Variants in NTRK3 observed in about 807,000 individuals in gnomAD.
NTRK3 encodes NT-3 growth factor receptor.
In NTRK3, 24 loss-of-function variants were observed where a neutral mutation model predicts 91.7. That is an observed-to-expected ratio of 0.26 (90% CI 0.19 to 0.37). The LOEUF (loss-of-function observed/expected upper bound fraction) is 0.37. NTRK3 is among the 10% of genes least tolerant of loss of function. The pLI is 1.00. For synonymous variants in NTRK3, 483 were observed against 404.0 expected, an observed-to-expected ratio of 1.20 and a Z score of -2.34; for missense variants, 880 against 1,068.9, an observed-to-expected ratio of 0.82 and a Z score of 2.46.
intron 3 of NTRK3, among the ~76,000 whole-genome samples, chr15:88,228,334 C>T (rs139809291): frequency 2.0e-3 from 302 of 152,276 alleles, no homozygotes; most frequent in East Asian, 8.7e-3. Context: ...CCACACCTCC[C>T]GCTGGATCTC....
At chr15:88,245,839 C>T (rs2052768838) in intron 3 of NTRK3, among the ~76,000 whole-genome samples, 1 of 152,184 alleles carries the variant, frequency 6.6e-6, no homozygotes, top group Non-Finnish European at 1.5e-5. Context: ...GAGTCATGAT[C>T]TAAAGCTTCA....
intron 13 of NTRK3, among the ~76,000 whole-genome samples, chr15:88,108,505 C>G (rs1567424469): frequency 6.6e-6 from 1 of 152,212 alleles, no homozygotes; most frequent in Admixed American, 6.5e-5. Context: ...ACTCCATGCT[C>G]CCTGTGATCT....
intron 13 of NTRK3, among the ~76,000 whole-genome samples, chr15:88,062,531 T>A (rs1002309759): frequency 2.0e-5 from 3 of 152,170 alleles, no homozygotes; most frequent in African/African-American, 7.2e-5. Context: ...GAAATGCTGA[T>A]GCAATGGCTG....
In NTRK3 at chr15:88,146,149, T is replaced by C. The variant is rs530361304; in HGVS notation, c.464+1186A>G. ...GGAAGAACTCAGAAATCAGTGTTAG[T>C]AGTAAATCGTAGTAGTCATGTTAAT... On this transcript the variant is annotated intron_variant, in intron 6 of 18. Transcript: ENST00000394480. Among the ~76,000 whole-genome samples the C allele has an allele frequency of 3.3e-5, 5 of 152,300 alleles. No individual in the cohort carries two copies. The South Asian group carries it at 8.3e-4, about 25-fold the overall frequency.
chr15:87,862,389 A>G (rs1198127212), exon 19 of NTRK3: 1 of 226,950 alleles, frequency 4.4e-6, no homozygotes, highest in East Asian at 6.3e-5. Flanking sequence ...GGATGTTATG[A>G]TAAGCAACAT....
intron 3 of NTRK3, among the ~76,000 whole-genome samples, chr15:88,224,352 A>G (rs142027689): frequency 1.1e-4 from 16 of 152,250 alleles, no homozygotes; most frequent in African/African-American, 3.6e-4. Context: ...TGAGAACGCT[A>G]TTTCCCAGCA....
At chr15:88,069,346 T>A (rs988126502) in intron 13 of NTRK3, among the ~76,000 whole-genome samples, 11 of 152,330 alleles carry the variant, frequency 7.2e-5, no homozygotes, top group African/African-American at 2.6e-4. Flanking sequence ...TTTGCTACCA[T>A]CTTGATGAGT....
At chr15:88,188,789 T>C (rs2047154547) in intron 3 of NTRK3, among the ~76,000 whole-genome samples, 2 of 152,232 alleles carry the variant, frequency 1.3e-5, no homozygotes, top group Admixed American at 6.5e-5. Context: ...CAAGCCAGGC[T>C]ACACATTCCA....
intron 13 of NTRK3, among the ~76,000 whole-genome samples, chr15:88,097,718 C>T (rs76612602): frequency 0.01 from 1,543 of 152,202 alleles, 34 homozygotes; most frequent in African/African-American, 0.035. Flanking sequence ...TCTTTAAAAA[C>T]GATGGTTATA....
chr15:88,123,856 G>A (rs1344270818), intron 13 of NTRK3, among the ~76,000 whole-genome samples: 3 of 152,316 alleles, frequency 2.0e-5, no homozygotes, highest in African/African-American at 7.2e-5. Flanking sequence ...AAGCCTCCAG[G>A]TAGCAGGCAT....
chr15:87,872,092 G>A (rs2064838953), exon 19 of NTRK3: 1 of 221,446 alleles, frequency 4.5e-6, no homozygotes, highest in Admixed American at 5.8e-5. Context: ...TAAGGCAAAT[G>A]CCCTTGAGTC....
At chr15:87,996,727 G>T (rs1334685878) in intron 14 of NTRK3, among the ~76,000 whole-genome samples, 1 of 152,182 alleles carries the variant, frequency 6.6e-6, no homozygotes, top group Non-Finnish European at 1.5e-5. Context: ...ATTAAATAAG[G>T]CTCTTCCAGC....
intron 5 of NTRK3, among the ~76,000 whole-genome samples, chr15:88,181,747 C>T (rs965465226): frequency 3.3e-5 from 5 of 152,174 alleles, no homozygotes; most frequent in African/African-American, 1.2e-4. Flanking sequence ...ATCTCCAAGT[C>T]TTCTGGAAAC....
chr15:87,910,482 G>A (rs2067022715), intron 17 of NTRK3, among the ~76,000 whole-genome samples: 1 of 152,206 alleles, frequency 6.6e-6, no homozygotes, highest in Non-Finnish European at 1.5e-5. Flanking sequence ...AGGCCATGGT[G>A]AGTTTTATTT....
At chr15:87,886,676 C>CTACATATATATATATATA (rs1555429880) in intron 17 of NTRK3, among the ~76,000 whole-genome samples, 4 of 101,198 alleles carry the variant, frequency 4.0e-5, no homozygotes, top group Non-Finnish European at 7.8e-5. Context: ...CCACTTTTTG[C>CTACATATATATATATATA]TATATATATA....
chr15:88,026,115 C>CA (rs1202648446), intron 14 of NTRK3, among the ~76,000 whole-genome samples: 11 of 151,802 alleles, frequency 7.2e-5, no homozygotes, highest in Non-Finnish European at 1.2e-4. Flanking sequence ...ACTAAAAATA[C>CA]AAAAAATTAG....
At chr15:87,992,942 T>A (rs1175540516) in intron 14 of NTRK3, among the ~76,000 whole-genome samples, 1 of 152,250 alleles carries the variant, frequency 6.6e-6, no homozygotes, top group Non-Finnish European at 1.5e-5. Context: ...CTGACTTGTG[T>A]GTGTGTGATC....
chr15:88,119,804 C>T (rs1362555464), intron 13 of NTRK3, among the ~76,000 whole-genome samples: 1 of 152,212 alleles, frequency 6.6e-6, no homozygotes, highest in African/African-American at 2.4e-5. Flanking sequence ...TTCCCGACCC[C>T]CTGCTAAATG....
At position 88,255,796 on chromosome 15, in the gene NTRK3, C is replaced by T. The variant is rs924874598; in HGVS notation, c.248+110G>A. The stretch of plus-strand genomic sequence containing the variant: ...AGCCTGACGCGCGCCCAGCGGGCGG[C>T]GGGCAGCGGCGAGCTGGGGCGGGCG... On this transcript the variant is annotated intron_variant, in intron 3 of 18. Coordinates refer to ENST00000394480, the Ensembl canonical transcript of NTRK3. The surrounding 1 kb of genome is among the most constrained non-coding windows in gnomAD (Gnocchi z 4.3). 1.3e-5 allele frequency: 12 copies of T among 901,246 alleles called. No individual in the cohort carries two copies. Among genetic ancestry groups the T allele is most frequent in the African/African-American group, 8.9e-5 (5 of 55,916 alleles). 55.8% of individuals were successfully genotyped at this position (901,246 alleles called of 1,614,324 possible). A position where few individuals can be genotyped will look rare whatever the true frequency, so the allele number is the denominator to read the frequency against.
Sources: allele counts gnomAD v4.1 joint callset (sites outside exome capture counted in the v4.1 genomes callset), GRCh38; gene constraint gnomAD v4.1.1; non-coding constraint Gnocchi (gnomAD v3.1); transcripts MANE v1.5; gene names NCBI Gene and HGNC (gene_info 2026-07-23, HGNC 2026-07-21).